LAMA2: variants seen among roughly 807,000 people sequenced by gnomAD.
LAMA2 encodes laminin subunit alpha 2, also known as laminin subunit alpha-2.
LAMA2 carries 269 observed loss-of-function variants against 364.8 expected under a neutral mutation model. The observed-to-expected ratio is 0.74, with a 90% confidence interval of 0.67 to 0.82. LAMA2 has a LOEUF of 0.82. Among genes scored for constraint, LAMA2 ranks in the 40% least tolerant of loss-of-function variants. The pLI is 0.00. For missense variants in LAMA2, 3,807 were observed against 3,873.2 expected, an observed-to-expected ratio of 0.98 and a Z score of 0.45; for synonymous variants, 1,379 against 1,370.6, an observed-to-expected ratio of 1.01 and a Z score of -0.14.
intron 10 of LAMA2, among the ~76,000 whole-genome samples, chr6:129,184,702 C>T (rs1260687552): frequency 6.6e-6 from 1 of 151,796 alleles, no homozygotes; most frequent in African/African-American, 2.4e-5. Flanking sequence ...TTTTCCTTGG[C>T]ACTGAATCCC....
At chr6:129,022,436 T>C (rs1582887231) in intron 1 of LAMA2, among the ~76,000 whole-genome samples, 2 of 152,290 alleles carry the variant, frequency 1.3e-5, no homozygotes, top group South Asian at 4.1e-4. Context: ...AACCACTCAT[T>C]TACTCCGAAA....
chr6:129,258,540 G>T (rs1006149158), intron 14 of LAMA2, among the ~76,000 whole-genome samples: 9 of 151,652 alleles, frequency 5.9e-5, no homozygotes, highest in African/African-American at 1.9e-4. Context: ...CTGCCTAATG[G>T]ATTCTGGGTT....
chr6:129,381,740 A>G (rs543597667), intron 34 of LAMA2, among the ~76,000 whole-genome samples: 2 of 152,374 alleles, frequency 1.3e-5, no homozygotes, highest in South Asian at 2.1e-4. Context: ...CCAGAGCATT[A>G]TAATACTTTG....
At chr6:129,459,909 A>T (rs1478233987) in intron 48 of LAMA2, among the ~76,000 whole-genome samples, 1 of 152,110 alleles carries the variant, frequency 6.6e-6, no homozygotes, top group Non-Finnish European at 1.5e-5. Flanking sequence ...GCTCACCTAA[A>T]GTTAGAAGCT....
chr6:129,383,031 T>C, intron 34 of LAMA2, 91 bp from the exon 35 acceptor site: 1 of 1,014,286 alleles, frequency 9.9e-7, no homozygotes, highest in Non-Finnish European at 1.5e-6. Flanking sequence ...CTCAAAGTAA[T>C]ATTTGAAAGA....
At chr6:129,144,102 T>C (rs749073603) in intron 5 of LAMA2, 22 bp downstream of exon 5, 7 of 1,577,354 alleles carry the variant, frequency 4.4e-6, no homozygotes, top group Non-Finnish European at 6.1e-6. Flanking sequence ...TGAATCATAT[T>C]AGAGCCTACA....
intron 1 of LAMA2, among the ~76,000 whole-genome samples, chr6:128,934,586 C>T (rs1779699258): frequency 6.6e-6 from 1 of 152,040 alleles, no homozygotes; most frequent in African/African-American, 2.4e-5. Context: ...ACTGCAACCT[C>T]CGTCTCCTGG....
At chr6:129,179,911 TGA>T (rs1214576221) in intron 10 of LAMA2, among the ~76,000 whole-genome samples, 1 of 152,134 alleles carries the variant, frequency 6.6e-6, no homozygotes, top group Admixed American at 6.6e-5. Flanking sequence ...TATGCCACGA[TGA>T]GTTATATCAA....
chr6:129,241,698 A>C (rs1326380210), intron 12 of LAMA2, among the ~76,000 whole-genome samples: 1 of 152,182 alleles, frequency 6.6e-6, no homozygotes, highest in Non-Finnish European at 1.5e-5. Flanking sequence ...TATGACTCCA[A>C]TATTAACAGA....
intron 45 of LAMA2, among the ~76,000 whole-genome samples, chr6:129,447,026 A>G (rs1782419657): frequency 6.6e-6 from 1 of 152,248 alleles, no homozygotes; most frequent in Non-Finnish European, 1.5e-5. Flanking sequence ...ATCATTATGT[A>G]TGTAAAGCAC....
At chr6:129,025,918 T>C (rs1304032159) in intron 1 of LAMA2, among the ~76,000 whole-genome samples, 1 of 152,210 alleles carries the variant, frequency 6.6e-6, no homozygotes, top group African/African-American at 2.4e-5. Flanking sequence ...AGTACAAACT[T>C]AGTCCATAGA....
Position 128,983,340 on chromosome 6 carries a change from G to T in LAMA2, c.113-66578G>T, listed in dbSNP as rs563419341. Among the ~76,000 whole-genome samples the T allele has an allele frequency of 3.0e-3, 450 of 152,132 alleles. 1 individual carries two copies. The highest frequency in any genetic ancestry group is 0.01 in the African/African-American group (431 of 41,478). On this transcript the variant is annotated intron_variant, in intron 1 of 64. Transcript: ENST00000421865. ...TGAGATGGTATCTCATTGTGGTTTTGGTTTGCATTTCTCTGATGGCCAGTG... is the reference window on the plus strand; with the variant it reads ...TGAGATGGTATCTCATTGTGGTTTTTGTTTGCATTTCTCTGATGGCCAGTG...
At chr6:129,282,445 CAT>C (rs1364224310) in intron 18 of LAMA2, among the ~76,000 whole-genome samples, 1 of 152,082 alleles carries the variant, frequency 6.6e-6, no homozygotes, top group Non-Finnish European at 1.5e-5. Flanking sequence ...AATCTGAGCC[CAT>C]TTCAAGTTGT....
intron 58 of LAMA2, among the ~76,000 whole-genome samples, chr6:129,498,818 A>G (rs1348003288): frequency 6.6e-6 from 1 of 152,246 alleles, no homozygotes; most frequent in Admixed American, 6.5e-5. Flanking sequence ...ATGCTTATCA[A>G]CGAATCATAC....
intron 4 of LAMA2, among the ~76,000 whole-genome samples, chr6:129,128,281 C>T (rs891094477): frequency 7.9e-5 from 12 of 152,176 alleles, no homozygotes; most frequent in African/African-American, 2.9e-4. Context: ...GTATTCTTAG[C>T]ATCTTTGTCA....
intron 58 of LAMA2, among the ~76,000 whole-genome samples, chr6:129,498,736 T>G (rs1785391855): frequency 6.6e-6 from 1 of 152,248 alleles, no homozygotes; most frequent in South Asian, 2.1e-4. Context: ...TGTTTGGTGC[T>G]TTCAAGAACA....
At chr6:128,956,827 G>A (rs113452445) in intron 1 of LAMA2, among the ~76,000 whole-genome samples, 31 of 151,392 alleles carry the variant, frequency 2.0e-4, no homozygotes, top group Admixed American at 1.3e-3. Flanking sequence ...TTTTTTAAAG[G>A]AACACCAAAA....
At chr6:128,989,105 G>C (rs961207347) in intron 1 of LAMA2, among the ~76,000 whole-genome samples, 4 of 152,084 alleles carry the variant, frequency 2.6e-5, no homozygotes. Flanking sequence ...AATTCTGTAA[G>C]TTAAACACAA....
intron 20 of LAMA2, 99 bp from the exon 21 acceptor site, chr6:129,297,586 A>C: frequency 9.0e-7 from 1 of 1,109,606 alleles, no homozygotes. Context: ...GATAACTCCT[A>C]AGTTCCTCTG....
Sources: gnomAD v4.1 joint callset for allele counts (sites outside exome capture counted in the v4.1 genomes callset) on GRCh38, gnomAD v4.1.1 for gene constraint, MANE v1.5 for transcripts, NCBI Gene and HGNC (gene_info 2026-07-23, HGNC 2026-07-21) for gene names.